IGF1R: variants seen among roughly 807,000 people sequenced by gnomAD.
IGF1R encodes insulin like growth factor 1 receptor, also known as insulin-like growth factor 1 receptor.
IGF1R carries 44 observed loss-of-function variants against 144.6 expected under a neutral mutation model. That is an observed-to-expected ratio of 0.30 (90% CI 0.24 to 0.39). The LOEUF is 0.39. Ranked by LOEUF, IGF1R falls within the 10% of genes least tolerant of loss-of-function variation. The probability of loss-of-function intolerance (pLI) is 1.00; values close to 1 mark genes in which losing one functional copy is unlikely to be tolerated. For missense variants in IGF1R, 1,355 were observed against 1,833.7 expected (o/e 0.74, Z 4.77); for synonymous variants, 795 against 722.8 (o/e 1.10, Z -1.60).
chr15:98,716,578 T>G (rs933332111), intron 2 of IGF1R, among the ~76,000 whole-genome samples: 1 of 152,228 alleles, frequency 6.6e-6, no homozygotes, highest in Non-Finnish European at 1.5e-5. Context: ...AGCTGGAGTT[T>G]CGTCTGATTG....
chr15:98,675,975 G>A (rs1031831239), intron 1 of IGF1R, among the ~76,000 whole-genome samples: 5 of 151,602 alleles, frequency 3.3e-5, no homozygotes, highest in South Asian at 2.1e-4. Context: ...ACAGGCGTGC[G>A]CCACCACGCC....
chr15:98,796,198 C>G (rs1017029814), intron 2 of IGF1R, among the ~76,000 whole-genome samples: 17 of 151,946 alleles, frequency 1.1e-4, no homozygotes, highest in African/African-American at 4.1e-4. Context: ...AATCCCATCA[C>G]AGCATGTGCT....
At chr15:98,658,136 C>G (rs1350899591) in intron 1 of IGF1R, among the ~76,000 whole-genome samples, 2 of 152,212 alleles carry the variant, frequency 1.3e-5, no homozygotes, top group East Asian at 3.8e-4. Flanking sequence ...GTTCCTGGTA[C>G]TCCCCAGCAT....
At chr15:98,862,045 C>G (rs1235750524) in intron 2 of IGF1R, among the ~76,000 whole-genome samples, 2 of 146,228 alleles carry the variant, frequency 1.4e-5, no homozygotes, top group Non-Finnish European at 3.0e-5. Flanking sequence ...GGGTGAAACC[C>G]TGACAAACTC....
chr15:98,904,949 T>C (rs1013185973), intron 5 of IGF1R, among the ~76,000 whole-genome samples: 3 of 152,218 alleles, frequency 2.0e-5, no homozygotes, highest in African/African-American at 7.2e-5. Context: ...CGGTATCCTT[T>C]TATGTTTAGC....
At position 98,911,349 on chromosome 15, in the gene IGF1R, C is replaced by T. The variant is rs866337046; in HGVS notation, c.1497C>T (p.Thr499=). 1 of 1,614,164 alleles carries T rather than the reference C, an allele frequency of 6.2e-7. No homozygotes were observed. The highest frequency in any genetic ancestry group is 2.2e-5 in the East Asian group (1 of 44,876). The change falls in exon 7 of 21, where the codon ACC becomes ACT. Residue 499 remains threonine, a synonymous_variant. Transcript: ENST00000650285. ...ACGTCCTGCATTTCACCTCCACCAC[C>T]ACGTCGAAGAATCGCATCATCATAA... ...ESDVLHFTST[T]TSKNRIIITW...
At chr15:98,941,311 G>T (rs2016357054) in intron 18 of IGF1R, among the ~76,000 whole-genome samples, 1 of 152,176 alleles carries the variant, frequency 6.6e-6, no homozygotes, top group Non-Finnish European at 1.5e-5. Context: ...CACCCTCCGG[G>T]CACATGGGGG....
chr15:98,831,739 T>G (rs924536999), intron 2 of IGF1R, among the ~76,000 whole-genome samples: 1 of 152,112 alleles, frequency 6.6e-6, no homozygotes, highest in Non-Finnish European at 1.5e-5. Flanking sequence ...TCAGGGAAAA[T>G]GAATATTTCC....
rs530384919 is a variant in IGF1R, at chr15:98,959,173, C to G, written c.*1731C>G. ...AAGCCTCACCCTCTCTTTCCCTTGCCTTTGCTTAGGTTGTGACACACATAT... is the reference window on the plus strand; with the variant it reads ...AAGCCTCACCCTCTCTTTCCCTTGCGTTTGCTTAGGTTGTGACACACATAT... On this transcript the variant is annotated 3_prime_UTR_variant, in exon 21 of 21. Coordinates refer to ENST00000650285, the MANE Select transcript of IGF1R (RefSeq NM_000875.5). The G allele has an allele frequency of 8.6e-6, 2 of 233,412 alleles. No homozygotes were observed. The highest frequency in any genetic ancestry group is 4.4e-5 in the African/African-American group (2 of 45,344). 14.5% of individuals were successfully genotyped at this position (233,412 alleles called of 1,614,324 possible).
rs2017291245 is a variant in IGF1R, at chr15:98,963,150, TGCCGA to T, written c.*5709_*5713del. 8.6e-6 allele frequency: 2 copies of T among 233,310 alleles called. No individual in the cohort carries two copies. The highest frequency in any genetic ancestry group is 1.7e-5 in the Non-Finnish European group (2 of 118,012). 14.5% of individuals were successfully genotyped at this position (233,310 alleles called of 1,614,324 possible). A position where few individuals can be genotyped will look rare whatever the true frequency, so the allele number is the denominator to read the frequency against. On this transcript the variant is annotated 3_prime_UTR_variant, in exon 21 of 21. Coordinates refer to ENST00000650285, the MANE Select transcript of IGF1R (RefSeq NM_000875.5). Reference sequence around the variant, plus strand: ...TTATAAAATGTTTGTAGTTTATAATTGCCGAAAATAATTTAAAGACACTTTTTTTT... The same window carrying T: ...TTATAAAATGTTTGTAGTTTATAATTAAATAATTTAAAGACACTTTTTTTT...
At chr15:98,950,891 G>A (rs1212963842) in intron 20 of IGF1R, among the ~76,000 whole-genome samples, 1 of 152,164 alleles carries the variant, frequency 6.6e-6, no homozygotes, top group African/African-American at 2.4e-5. Flanking sequence ...CAATCAAGGT[G>A]CTATTTTTGT....
At position 98,884,868 on chromosome 15, in the gene IGF1R, A is replaced by G. The variant is rs76359753; in HGVS notation, c.641-6457A>G. Among the ~76,000 whole-genome samples, 465 of 152,120 alleles carry G rather than the reference A, an allele frequency of 3.1e-3. 6 individuals are homozygous for G. Among genetic ancestry groups the G allele is most frequent in the African/African-American group, 0.011 (441 of 41,452 alleles). On this transcript the variant is annotated intron_variant, in intron 2 of 20. Coordinates refer to ENST00000650285, the MANE Select transcript of IGF1R (RefSeq NM_000875.5). The stretch of plus-strand genomic sequence containing the variant: ...TATTTTTCCTCTTAAGAGTAGTCCA[A>G]ACTCCTATTGCTGGATTAAAAGGCT...
At chr15:98,928,381 C>T (rs2015808062) in intron 13 of IGF1R, among the ~76,000 whole-genome samples, 1 of 152,160 alleles carries the variant, frequency 6.6e-6, no homozygotes, top group Non-Finnish European at 1.5e-5. Flanking sequence ...CATGACAGTG[C>T]CTTCTCTTAC....
intron 2 of IGF1R, among the ~76,000 whole-genome samples, chr15:98,777,561 G>A (rs939221749): frequency 1.3e-5 from 2 of 152,230 alleles, no homozygotes; most frequent in Non-Finnish European, 2.9e-5. Flanking sequence ...GGTGCAGGCG[G>A]CTCTGGGATC....
chr15:98,804,935 A>C (rs1227646834), intron 2 of IGF1R, among the ~76,000 whole-genome samples: 2 of 152,152 alleles, frequency 1.3e-5, no homozygotes, highest in Non-Finnish European at 2.9e-5. Context: ...ACCTCAGGTG[A>C]TCCTCCTGCC....
rs375097523 is a variant in IGF1R, at chr15:98,960,885, G to A, written c.*3443G>A. ...CCGGCTGGAAAGCCCAGTGGCCGGCGCCGAGGCTCGTGGCGTCACGCCCCC... is the reference window on the plus strand; with the variant it reads ...CCGGCTGGAAAGCCCAGTGGCCGGCACCGAGGCTCGTGGCGTCACGCCCCC... On this transcript the variant is annotated 3_prime_UTR_variant, in exon 21 of 21. Transcript: ENST00000650285. 50 of 233,686 alleles carry A rather than the reference G, an allele frequency of 2.1e-4. No individual in the cohort carries two copies. The highest frequency in any genetic ancestry group is 2.8e-4 in the Non-Finnish European group (33 of 118,266). 14.5% of individuals were successfully genotyped at this position (233,686 alleles called of 1,614,324 possible).
At chr15:98,678,140 A>T (rs1476773504) in intron 1 of IGF1R, among the ~76,000 whole-genome samples, 3 of 152,184 alleles carry the variant, frequency 2.0e-5, no homozygotes, top group Non-Finnish European at 4.4e-5. Context: ...TGGATTCAGA[A>T]GTGGTTGTTA....
chr15:98,804,021 C>T (rs767467542), intron 2 of IGF1R, among the ~76,000 whole-genome samples: 4 of 152,198 alleles, frequency 2.6e-5, no homozygotes, highest in Non-Finnish European at 5.9e-5. Context: ...CATCTTACCA[C>T]GGTTGCAATG....
In IGF1R at chr15:98,702,160, T is replaced by C. The variant is rs116504033; in HGVS notation, c.95-5402T>C. On this transcript the variant is annotated intron_variant, in intron 1 of 20. Transcript: ENST00000650285. ...GGGCGTTTTCTCAGCCAAATGCTTT[T>C]CTTTAGCCCTTCTCATATTAACATT... Among the ~76,000 whole-genome samples, 1,107 of 152,110 alleles carry C rather than the reference T, an allele frequency of 7.3e-3. 17 individuals are homozygous for C. Among genetic ancestry groups the C allele is most frequent in the African/African-American group, 0.025 (1,043 of 41,452 alleles).
Sources: allele counts gnomAD v4.1 joint callset (sites outside exome capture counted in the v4.1 genomes callset), GRCh38; gene constraint gnomAD v4.1.1; transcripts MANE v1.5; gene names NCBI Gene and HGNC (gene_info 2026-07-23, HGNC 2026-07-21).